The following FHIP1A variants were observed in gnomAD, a reference collection of about 807,000 sequenced individuals.
The protein encoded by FHIP1A is FHF complex subunit HOOK-interacting protein 1A.
In FHIP1A, 61 loss-of-function variants were observed where a neutral mutation model predicts 88.6. The observed-to-expected ratio is 0.69, with a 90% CI of 0.56 to 0.85. FHIP1A has a LOEUF of 0.85. Among genes scored for constraint, FHIP1A ranks in the 40% least tolerant of loss-of-function variants. The pLI, the probability that FHIP1A is intolerant of heterozygous loss-of-function variation, is 0.00. For synonymous variants in FHIP1A, 478 were observed against 496.0 expected, an observed-to-expected ratio of 0.96 and a Z score of 0.48; for missense variants, 1,154 against 1,273.5, an observed-to-expected ratio of 0.91 and a Z score of 1.43.
chr4:151,578,178 G>A (rs1311925820), intron 5 of FHIP1A, 102 bp downstream of exon 5: 2 of 1,067,454 alleles, frequency 1.9e-6, no homozygotes, highest in African/African-American at 1.6e-5. Context: ...CCAGTAAGTT[G>A]TACTTGGCAC....
At chr4:151,476,189 T>C (rs1361265776) in intron 2 of FHIP1A, among the ~76,000 whole-genome samples, 12 of 132,640 alleles carry the variant, frequency 9.0e-5, no homozygotes, top group Non-Finnish European at 1.8e-4. Flanking sequence ...TTGCCCAGGC[T>C]GGAGCGCAGT....
At chr4:151,602,476 A>C (rs997060891) in intron 7 of FHIP1A, among the ~76,000 whole-genome samples, 7 of 152,126 alleles carry the variant, frequency 4.6e-5, no homozygotes, top group African/African-American at 1.4e-4. Flanking sequence ...TTTAAGCAAG[A>C]AAAACTAAGT....
At chr4:151,625,583 A>G (rs1735923563) in intron 7 of FHIP1A, among the ~76,000 whole-genome samples, 3 of 152,168 alleles carry the variant, frequency 2.0e-5, no homozygotes, top group Non-Finnish European at 1.5e-5. Context: ...ACGCCGTGCA[A>G]TAAGTTAATG....
rs561916596 is a variant in FHIP1A at position 151,520,567 on chromosome 4, T to G, written c.-123+37919T>G. ...CTGTGATGTATATTACTTCTGTTGTTTAATCTTTACTTGAGTGCAAGTGGT... is the reference window on the plus strand; with the variant it reads ...CTGTGATGTATATTACTTCTGTTGTGTAATCTTTACTTGAGTGCAAGTGGT... On this transcript the variant is annotated intron_variant, in intron 3 of 13. Coordinates refer to ENST00000435205, the MANE Select transcript of FHIP1A (RefSeq NM_001109977.3). Among the ~76,000 whole-genome samples the G allele has an allele frequency of 2.0e-5, 3 of 152,348 alleles. No individual in the cohort carries two copies. In the South Asian group the frequency reaches 6.2e-4, roughly 32 times the overall value.
chr4:151,569,682 T>C (rs1020221857), intron 4 of FHIP1A, among the ~76,000 whole-genome samples: 3 of 152,228 alleles, frequency 2.0e-5, no homozygotes, highest in Non-Finnish European at 2.9e-5. Flanking sequence ...TATTTGTTAA[T>C]AGCCTCTTTT....
At chr4:151,566,413 C>A in intron 4 of FHIP1A, 49 bp downstream of exon 4, 1 of 1,055,118 alleles carries the variant, frequency 9.5e-7, no homozygotes, top group Non-Finnish European at 1.4e-6. Flanking sequence ...ACCCCAGGGG[C>A]CTCCATCACA....
intron 3 of FHIP1A, among the ~76,000 whole-genome samples, chr4:151,514,266 A>G (rs1037269383): frequency 6.6e-6 from 1 of 152,128 alleles, no homozygotes; most frequent in African/African-American, 2.4e-5. Context: ...GAGAACAAAG[A>G]CACAGCATAC....
chr4:151,561,988 C>T (rs935973245), intron 3 of FHIP1A, among the ~76,000 whole-genome samples: 1 of 152,138 alleles, frequency 6.6e-6, no homozygotes, highest in Non-Finnish European at 1.5e-5. Flanking sequence ...CTGTAAGAGA[C>T]CTAAGAAATC....
In FHIP1A at chr4:151,669,047, A is replaced by T. The variant is rs900713556; in HGVS notation, c.*6293A>T. Among the ~76,000 whole-genome samples the T allele has an allele frequency of 1.3e-5, 2 of 152,250 alleles. No individual in the cohort carries two copies. The highest frequency in any genetic ancestry group is 2.9e-5 in the Non-Finnish European group (2 of 68,042). Reference sequence around the variant, plus strand: ...TGAACCAGTAGACCAGACTAAACGCACACTCATGCAAGAATGTAAAATTGT... The same window carrying T: ...TGAACCAGTAGACCAGACTAAACGCTCACTCATGCAAGAATGTAAAATTGT... On this transcript the variant is annotated 3_prime_UTR_variant, in exon 14 of 14. Transcript: ENST00000435205.
intron 7 of FHIP1A, among the ~76,000 whole-genome samples, chr4:151,625,012 G>A (rs1398860541): frequency 6.6e-6 from 1 of 152,152 alleles, no homozygotes; most frequent in Non-Finnish European, 1.5e-5. Context: ...TGGCTGCAAG[G>A]AGCCTTTCCA....
chr4:151,525,036 A>T (rs991137026), intron 3 of FHIP1A, among the ~76,000 whole-genome samples: 39 of 152,344 alleles, frequency 2.6e-4, no homozygotes, highest in African/African-American at 8.7e-4. Flanking sequence ...ACTTGCAGAA[A>T]GATCATTCTA....
chr4:151,448,023 C>T (rs1728668368), intron 1 of FHIP1A, among the ~76,000 whole-genome samples: 2 of 152,300 alleles, frequency 1.3e-5, no homozygotes, highest in South Asian at 4.1e-4. Context: ...ATTCTTATGC[C>T]TCAGCCTCTG....
chr4:151,482,170 T>C (rs1467888831), intron 2 of FHIP1A, among the ~76,000 whole-genome samples: 1 of 152,154 alleles, frequency 6.6e-6, no homozygotes, highest in Non-Finnish European at 1.5e-5. Flanking sequence ...TATATTATGC[T>C]ATCATTATTA....
chr4:151,541,917 G>T (rs1272363223), intron 3 of FHIP1A, among the ~76,000 whole-genome samples: 2 of 152,146 alleles, frequency 1.3e-5, no homozygotes, highest in Non-Finnish European at 2.9e-5. Context: ...CTTATGCAGA[G>T]TACAATTGAG....
At chr4:151,460,662 G>C (rs1729115677) in intron 2 of FHIP1A, among the ~76,000 whole-genome samples, 2 of 152,226 alleles carry the variant, frequency 1.3e-5, no homozygotes, top group Non-Finnish European at 2.9e-5. Flanking sequence ...TCTCATTAGA[G>C]TTAAGTCTAG....
chr4:151,580,021 C>T (rs545212212), intron 5 of FHIP1A, among the ~76,000 whole-genome samples: 78 of 152,312 alleles, frequency 5.1e-4, no homozygotes, highest in Non-Finnish European at 1.0e-3. Flanking sequence ...TACCTAAGAA[C>T]ATTATACAAT....
chr4:151,649,230 C>T (rs1736907706), intron 10 of FHIP1A, among the ~76,000 whole-genome samples: 1 of 152,220 alleles, frequency 6.6e-6, no homozygotes, highest in Non-Finnish European at 1.5e-5. Flanking sequence ...GCTATAGCCA[C>T]TATCTGACTG....
chr4:151,494,779 A>G (rs1399176031), intron 3 of FHIP1A, among the ~76,000 whole-genome samples: 1 of 152,118 alleles, frequency 6.6e-6, no homozygotes, highest in African/African-American at 2.4e-5. Context: ...CATTTTAACA[A>G]TATTTATTCT....
intron 3 of FHIP1A, among the ~76,000 whole-genome samples, chr4:151,509,286 C>T (rs1407480584): frequency 6.6e-6 from 1 of 152,112 alleles, no homozygotes; most frequent in Non-Finnish European, 1.5e-5. Flanking sequence ...CCTCAGCCTC[C>T]CAAGTAGCTG....
Sources: allele counts gnomAD v4.1 joint callset (sites outside exome capture counted in the v4.1 genomes callset), GRCh38; gene constraint gnomAD v4.1.1; transcripts MANE v1.5; gene names NCBI Gene and HGNC (gene_info 2026-07-23, HGNC 2026-07-21).